SLC35G2: variants seen among roughly 807,000 people sequenced by gnomAD.
The protein encoded by SLC35G2 is transmembrane protein 22.
SLC35G2 carries 20 observed loss-of-function variants against 27.2 expected under a neutral mutation model. The observed-to-expected ratio is 0.74, with a 90% CI of 0.52 to 1.07. SLC35G2 has a LOEUF of 1.07. Among genes scored for constraint, SLC35G2 ranks in the 50% least tolerant of loss-of-function variants. SLC35G2 has a pLI of 0.00. For synonymous variants in SLC35G2, 148 were observed against 165.3 expected, an observed-to-expected ratio of 0.90 and a Z score of 0.80; for missense variants, 416 against 493.3, an observed-to-expected ratio of 0.84 and a Z score of 1.48.
chr3:136,841,732 AAAAT>A (rs10691819), intron 1 of SLC35G2: 11,227 of 144,028 alleles, frequency 0.078, 539 homozygotes, highest in Middle Eastern at 0.12. Context: ...ACTCCGCCTC[AAAAT>A]AAATAAATAA....
intron 1 of SLC35G2, among the ~76,000 whole-genome samples, chr3:136,836,419 T>TC (rs57741858): frequency 1 from 152,210 of 152,292 alleles, 76,064 homozygotes; most frequent in Middle Eastern, 1. Context: ...GGCCTGCTTA[T>TC]CGACCAGTCT....
chr3:136,839,877 G>C (rs145164005), intron 1 of SLC35G2, among the ~76,000 whole-genome samples: 2 of 152,008 alleles, frequency 1.3e-5, no homozygotes, highest in African/African-American at 4.8e-5. Flanking sequence ...AATACCATCA[G>C]ATCTGTCTTC....
At chr3:136,846,127 A>T (rs1937366190) in intron 1 of SLC35G2, among the ~76,000 whole-genome samples, 1 of 152,170 alleles carries the variant, frequency 6.6e-6, no homozygotes, top group South Asian at 2.1e-4. Context: ...TTTAGCCAAC[A>T]GACTTTGGAC....
At chr3:136,853,306 G>C (rs926631087) in intron 1 of SLC35G2, among the ~76,000 whole-genome samples, 1 of 151,988 alleles carries the variant, frequency 6.6e-6, no homozygotes, top group Non-Finnish European at 1.5e-5. Flanking sequence ...ATGTTGGCCA[G>C]GCTGGCCAAC....
intron 1 of SLC35G2, among the ~76,000 whole-genome samples, chr3:136,851,033 C>G (rs1187931072): frequency 6.6e-6 from 1 of 152,032 alleles, no homozygotes; most frequent in African/African-American, 2.4e-5. Context: ...TGACTAGAAA[C>G]AAAATTCCAC....
chr3:136,847,766 C>A (rs1333732574), intron 1 of SLC35G2, among the ~76,000 whole-genome samples: 1 of 151,836 alleles, frequency 6.6e-6, no homozygotes, highest in African/African-American at 2.4e-5. Flanking sequence ...GTCAGGAGTT[C>A]GAGACCAGCC....
intron 1 of SLC35G2, among the ~76,000 whole-genome samples, chr3:136,835,451 CATA>C (rs1169187759): frequency 6.6e-6 from 1 of 151,598 alleles, no homozygotes; most frequent in African/African-American, 2.4e-5. Context: ...TTAAAAGGCA[CATA>C]ATATTGTTTT....
chr3:136,830,211 C>T (rs1936693733), intron 1 of SLC35G2, among the ~76,000 whole-genome samples: 2 of 148,384 alleles, frequency 1.3e-5, no homozygotes, highest in Non-Finnish European at 3.0e-5. Context: ...CAGGTTCAAG[C>T]GATTCTCCTG....
At chr3:136,844,597 G>C (rs924273045) in intron 1 of SLC35G2, among the ~76,000 whole-genome samples, 35 of 151,484 alleles carry the variant, frequency 2.3e-4, no homozygotes, top group South Asian at 4.2e-4. Flanking sequence ...CCGTGAGTTT[G>C]AGACCAGCCT....
chr3:136,835,588 G>A (rs1244258118), intron 1 of SLC35G2, among the ~76,000 whole-genome samples: 7 of 152,042 alleles, frequency 4.6e-5, no homozygotes, highest in African/African-American at 1.4e-4. Context: ...TAAACATCTG[G>A]TTTCTTAACA....
intron 1 of SLC35G2, among the ~76,000 whole-genome samples, chr3:136,831,645 T>G (rs1320520777): frequency 6.6e-6 from 1 of 152,144 alleles, no homozygotes; most frequent in Non-Finnish European, 1.5e-5. Context: ...GGGTGGGAAT[T>G]TGCCAGAAAT....
At chr3:136,850,756 G>T (rs1937599118) in intron 1 of SLC35G2, among the ~76,000 whole-genome samples, 1 of 151,902 alleles carries the variant, frequency 6.6e-6, no homozygotes, top group Non-Finnish European at 1.5e-5. Flanking sequence ...CATTTTGAGA[G>T]GCTGAGGCAT....
intron 1 of SLC35G2, among the ~76,000 whole-genome samples, chr3:136,832,613 G>A (rs544398340): frequency 2.0e-5 from 3 of 152,150 alleles, no homozygotes; most frequent in African/African-American, 7.2e-5. Context: ...TTAGCATGGT[G>A]CCTTCCACAT....
At chr3:136,841,219 G>A (rs1937082358) in intron 1 of SLC35G2, among the ~76,000 whole-genome samples, 1 of 152,044 alleles carries the variant, frequency 6.6e-6, no homozygotes, top group Admixed American at 6.6e-5. Context: ...ATAAAAGTTA[G>A]TTGTTGCTAT....
At chr3:136,843,520 C>T (rs1937202370) in intron 1 of SLC35G2, among the ~76,000 whole-genome samples, 1 of 151,734 alleles carries the variant, frequency 6.6e-6, no homozygotes, top group Non-Finnish European at 1.5e-5. Flanking sequence ...GTGGCACACA[C>T]CTATAATCCC....
rs144230706 is a variant in SLC35G2, at chr3:136,840,882, C to T, written c.-18-13561C>T. Among the ~76,000 whole-genome samples, 15 of 150,620 alleles carry T rather than the reference C, an allele frequency of 1.0e-4. No individual in the cohort carries two copies. In the East Asian group the frequency reaches 2.9e-3, roughly 29 times the overall value. On this transcript the variant is annotated intron_variant, in intron 1 of 1. Coordinates refer to ENST00000446465, the MANE Select transcript of SLC35G2 (RefSeq NM_025246.3). ...AGGTGATCTGCCCGTCTGAGCCTCC[C>T]AAAGTGCTGGGATTACAGACGTGAG...
chr3:136,823,930 A>C (rs1042331121), intron 1 of SLC35G2, among the ~76,000 whole-genome samples: 2 of 152,096 alleles, frequency 1.3e-5, no homozygotes, highest in Admixed American at 1.3e-4. Context: ...TAGTTTCATT[A>C]TTCTGCATAT....
intron 1 of SLC35G2, chr3:136,846,399 T>A (rs1047339878): frequency 3.3e-5 from 5 of 152,258 alleles, no homozygotes; most frequent in African/African-American, 1.2e-4. Flanking sequence ...TTCATTTGTA[T>A]CCACTATTTT....
chr3:136,836,420 CGA>C (rs1936871444), intron 1 of SLC35G2, among the ~76,000 whole-genome samples: 5 of 962 alleles, frequency 5.2e-3, no homozygotes, highest in Non-Finnish European at 0.011. Context: ...GCCTGCTTAT[CGA>C]CCAGTCTCTT....
Sources: allele counts gnomAD v4.1 joint callset (sites outside exome capture counted in the v4.1 genomes callset), GRCh38; gene constraint gnomAD v4.1.1; transcripts MANE v1.5; gene names NCBI Gene and HGNC (gene_info 2026-07-23, HGNC 2026-07-21).